The following SLC12A6 variants were observed in gnomAD, a reference collection of about 807,000 sequenced individuals.
The protein encoded by SLC12A6 is solute carrier family 12 member 6.
SLC12A6 carries 66 observed loss-of-function variants against 135.3 expected under a neutral mutation model. That is an observed-to-expected ratio of 0.49 (90% CI 0.40 to 0.60). The LOEUF (loss-of-function observed/expected upper bound fraction) is 0.60. SLC12A6 is among the 20% of genes least tolerant of loss of function. SLC12A6 has a pLI of 0.00. For missense variants in SLC12A6, 1,058 were observed against 1,452.3 expected (o/e 0.73, Z 4.41); for synonymous variants, 513 against 508.8 (o/e 1.01, Z -0.11).
At chr15:34,294,525 G>C (rs942524185) in intron 2 of SLC12A6, among the ~76,000 whole-genome samples, 6 of 152,090 alleles carry the variant, frequency 3.9e-5, no homozygotes, top group African/African-American at 1.4e-4. Context: ...AAAGTAATGG[G>C]ATTACAGTTG....
At chr15:34,245,634 A>T in intron 14 of SLC12A6, 59 bp downstream of exon 14, 1 of 1,417,648 alleles carries the variant, frequency 7.1e-7, no homozygotes, top group Non-Finnish European at 1.0e-6. Context: ...CATGAAGACC[A>T]CACTGTTTCT....
Position 34,272,914 on chromosome 15 carries a change from T to C in SLC12A6, c.316+2431A>G, listed in dbSNP as rs535038131. 2.6e-5 allele frequency among the ~76,000 whole-genome samples: 4 copies of C among 152,342 alleles called. No homozygotes were observed. The South Asian group carries it at 8.3e-4, about 32-fold the overall frequency. On this transcript the variant is annotated intron_variant, in intron 3 of 25. Transcript: ENST00000354181. ...ATGTATGTATCAGGGACAGAAACAC[T>C]TTCATAGTTTAGAGGAAAGATGTTC...
intron 2 of SLC12A6, among the ~76,000 whole-genome samples, chr15:34,290,929 T>G (rs1298214611): frequency 1.3e-5 from 2 of 152,220 alleles, no homozygotes; most frequent in African/African-American, 4.8e-5. Flanking sequence ...TCTTGACTCT[T>G]TATCCAATTT....
At chr15:34,294,581 T>A (rs1365552011) in intron 2 of SLC12A6, among the ~76,000 whole-genome samples, 2 of 151,856 alleles carry the variant, frequency 1.3e-5, no homozygotes, top group Non-Finnish European at 2.9e-5. Context: ...TAATTTTATT[T>A]TTAAGATACA....
rs121908429 is a variant in SLC12A6, at chr15:34,257,713, G to A, written c.619C>T (p.Arg207Cys). Residue 207 changes from arginine (R) to cysteine (C), a missense_variant, in exon 6 of 26, where the codon CGC (arginine) becomes TGC (cysteine). Arg to Cys is a radical substitution (Grantham distance 180). Transcript: ENST00000354181. ...QNIFGVILFL[R>C]LTWVVGTAGV... The stretch of plus-strand genomic sequence containing the variant: ...GCTGTGCCCACCACCCATGTAAGGC[G>A]TAAAAAAAGGATCACTCCAAAAATA... 9 of 1,609,900 alleles carry A rather than the reference G, an allele frequency of 5.6e-6. No homozygotes were observed. Among genetic ancestry groups the A allele is most frequent in the East Asian group, 2.2e-5 (1 of 44,858 alleles).
chr15:34,254,213 G>T, intron 9 of SLC12A6, 135 bp downstream of exon 9: 1 of 890,702 alleles, frequency 1.1e-6, no homozygotes, highest in Non-Finnish European at 1.9e-6. Context: ...GATGAGGAAG[G>T]AAGTCTAACT....
chr15:34,248,071 C>G (rs1039824024), intron 13 of SLC12A6, among the ~76,000 whole-genome samples: 3 of 152,112 alleles, frequency 2.0e-5, no homozygotes, highest in African/African-American at 7.2e-5. Flanking sequence ...ACAGTACATA[C>G]TTTTGTGTTT....
At chr15:34,255,806 GT>G (rs1207451551) in intron 7 of SLC12A6, among the ~76,000 whole-genome samples, 204 of 143,048 alleles carry the variant, frequency 1.4e-3, no homozygotes, top group Admixed American at 2.2e-3. Flanking sequence ...TGTCACCTCT[GT>G]AAAAAAAAAA....
rs757803056 is a variant in SLC12A6 at position 34,245,684 on chromosome 15, G to C, written c.1824+9C>G. 2 of 1,608,162 alleles carry C rather than the reference G, an allele frequency of 1.2e-6. No homozygotes were observed. Among genetic ancestry groups the C allele is most frequent in the Non-Finnish European group, 1.7e-6 (2 of 1,174,666 alleles). On this transcript the variant is annotated intron_variant, in intron 14 of 25. Coordinates refer to ENST00000354181, the MANE Select transcript of SLC12A6 (RefSeq NM_001365088.1). The stretch of plus-strand genomic sequence containing the variant: ...AAAAAAGAAGAGGGCATAATAAAAG[G>C]TCACTCACCCTCAGAAACGGTATGA...
At chr15:34,309,573 GTGTC>G (rs1249187218) in intron 2 of SLC12A6, among the ~76,000 whole-genome samples, 1 of 152,114 alleles carries the variant, frequency 6.6e-6, no homozygotes, top group Non-Finnish European at 1.5e-5. Flanking sequence ...AGAAATCAAA[GTGTC>G]TGAGATTGTA....
At chr15:34,288,386 C>A (rs1270404224) in intron 2 of SLC12A6, among the ~76,000 whole-genome samples, 1 of 152,194 alleles carries the variant, frequency 6.6e-6, no homozygotes, top group African/African-American at 2.4e-5. Context: ...GATACTGTAG[C>A]CTCGTAGCAA....
chr15:34,239,680 C>T (rs957607944), intron 19 of SLC12A6, among the ~76,000 whole-genome samples: 14 of 151,988 alleles, frequency 9.2e-5, no homozygotes, highest in Non-Finnish European at 1.3e-4. Context: ...ATTCATGACA[C>T]TTGTATTTGC....
intron 13 of SLC12A6, among the ~76,000 whole-genome samples, chr15:34,249,340 G>C (rs1444979321): frequency 4.6e-5 from 7 of 151,992 alleles, no homozygotes; most frequent in Admixed American, 2.0e-4. Flanking sequence ...TGGGAGGATT[G>C]CTTGATCCCA....
chr15:34,261,369 T>A (rs1373376763), intron 3 of SLC12A6, among the ~76,000 whole-genome samples: 2 of 152,174 alleles, frequency 1.3e-5, no homozygotes, highest in Non-Finnish European at 2.9e-5. Context: ...CAATCTCAGC[T>A]CACTGCAACC....
intron 3 of SLC12A6, among the ~76,000 whole-genome samples, chr15:34,268,414 G>A (rs995229995): frequency 2.0e-5 from 3 of 152,164 alleles, no homozygotes; most frequent in African/African-American, 7.2e-5. Flanking sequence ...TTGTGCAATG[G>A]GAGGCTCCCA....
chr15:34,257,972 T>C (rs961525673), intron 5 of SLC12A6, 184 bp from the exon 6 acceptor site: 17 of 589,328 alleles, frequency 2.9e-5, no homozygotes, highest in Non-Finnish European at 4.5e-5. Flanking sequence ...CACCATACTT[T>C]TATTATTCCT....
chr15:34,253,905 A>G (rs1892561094), intron 9 of SLC12A6, among the ~76,000 whole-genome samples: 2 of 152,212 alleles, frequency 1.3e-5, no homozygotes, highest in African/African-American at 4.8e-5. Flanking sequence ...AAAGTACATT[A>G]TTTGGGTAAT....
chr15:34,274,630 T>G (rs1308631913), intron 3 of SLC12A6, among the ~76,000 whole-genome samples: 1 of 152,066 alleles, frequency 6.6e-6, no homozygotes, highest in African/African-American at 2.4e-5. Flanking sequence ...CTGGCCGACA[T>G]GGTGAAACCC....
chr15:34,272,643 T>C (rs561568264), intron 3 of SLC12A6, among the ~76,000 whole-genome samples: 1 of 152,208 alleles, frequency 6.6e-6, no homozygotes, highest in African/African-American at 2.4e-5. Flanking sequence ...AGCAGTCTCT[T>C]TGCAAATACT....
Sources: gnomAD v4.1 joint callset for allele counts (sites outside exome capture counted in the v4.1 genomes callset) on GRCh38, gnomAD v4.1.1 for gene constraint, MANE v1.5 for transcripts, NCBI Gene and HGNC (gene_info 2026-07-23, HGNC 2026-07-21) for gene names.